Variants in TMEFF2 observed in about 807,000 individuals in gnomAD.
The protein encoded by TMEFF2 is transmembrane protein with EGF like and two follistatin like domains 2.
TMEFF2 carries 28 observed loss-of-function variants against 53.8 expected under a neutral mutation model. The ratio of observed to expected loss-of-function variants is 0.52; its 90% CI spans 0.39 to 0.71. TMEFF2 has a LOEUF of 0.71. TMEFF2 is among the 30% of genes least tolerant of loss of function. The pLI is 0.00. For synonymous variants in TMEFF2, 162 were observed against 166.3 expected (o/e 0.97, Z 0.20); for missense variants, 353 against 455.2 (o/e 0.78, Z 2.04).
At chr2:192,069,955 T>C (rs1197466747) in intron 4 of TMEFF2, among the ~76,000 whole-genome samples, 1 of 103,024 alleles carries the variant, frequency 9.7e-6, no homozygotes, top group East Asian at 3.5e-4. Flanking sequence ...TTTTTCTAGA[T>C]TTAGAAAAAT....
Position 192,194,436 on chromosome 2 carries a change from A to C in TMEFF2, c.89T>G (p.Leu30Arg), listed in dbSNP as rs1045412204. 1 of 1,614,090 alleles carries C rather than the reference A, an allele frequency of 6.2e-7. No individual in the cohort carries two copies. The highest frequency in any genetic ancestry group is 8.5e-7 in the Non-Finnish European group (1 of 1,180,014). The change falls in exon 1 of 10, where the codon CTC (leucine) becomes CGC (arginine). Residue 30 changes from leucine to arginine, a missense_variant. By Grantham distance (102) the Leu-to-Arg change is moderately radical. Transcript: ENST00000272771. This position sits in a 1 kb window ranked among gnomAD's most constrained non-coding sequence, Gnocchi z 4.2. Reference protein sequence around the residue: ...CWLLLLPVMLLIVARPVKLAA... With the variant: ...CWLLLLPVMLRIVARPVKLAA... Reference sequence around the variant, plus strand: ...GAGCTTCACCGGGCGGGCTACGATGAGTAGCATGACGGGCAGCAGCAGCAG... The same window carrying C: ...GAGCTTCACCGGGCGGGCTACGATGCGTAGCATGACGGGCAGCAGCAGCAG...
chr2:192,192,078 G>C, intron 1 of TMEFF2, 89 bp from the exon 2 acceptor site: 2 of 892,146 alleles, frequency 2.2e-6, no homozygotes, highest in Admixed American at 4.6e-5. Flanking sequence ...TAAAATACTT[G>C]TCCTAAATTT....
chr2:191,991,329 T>C (rs1434133414), intron 7 of TMEFF2, among the ~76,000 whole-genome samples: 1 of 152,092 alleles, frequency 6.6e-6, no homozygotes, highest in Admixed American at 6.6e-5. Context: ...TGAACACATA[T>C]CATACAGATA....
At chr2:191,952,122 AG>A (rs951973892) in intron 9 of TMEFF2, among the ~76,000 whole-genome samples, 1 of 152,194 alleles carries the variant, frequency 6.6e-6, no homozygotes, top group African/African-American at 2.4e-5. Flanking sequence ...CTATCTTGAA[AG>A]TGGAGATAAT....
rs35695147 is a variant in TMEFF2, at chr2:192,049,151, C to CTGTGTGTGTG, written c.536+8527_536+8528insCACACACACA. 5.2e-3 allele frequency among the ~76,000 whole-genome samples: 589 copies of CTGTGTGTGTG among 114,108 alleles called. 4 individuals carry two copies. Among genetic ancestry groups the CTGTGTGTGTG allele is most frequent in the East Asian group, 0.025 (103 of 4,196 alleles). The allele number at this position is 114,108 out of a possible 152,430, so 74.9% of individuals were successfully genotyped here. On this transcript the variant is annotated intron_variant, in intron 5 of 9. Transcript: ENST00000272771. ...AATATATAAGATAGATACATTTGGTCTATGTGTGTGTGTGTGTGTGTGCAT... is the reference window on the plus strand; with the variant it reads ...AATATATAAGATAGATACATTTGGTCTGTGTGTGTGTATGTGTGTGTGTGTGTGTGTGCAT...
At chr2:192,031,777 T>C (rs2105873306) in intron 5 of TMEFF2, 1 of 152,308 alleles carries the variant, frequency 6.6e-6, no homozygotes, top group East Asian at 1.9e-4. Flanking sequence ...GCTGCAATTT[T>C]AAATTGTGTT....
At chr2:191,999,841 T>C (rs1686313910) in intron 5 of TMEFF2, among the ~76,000 whole-genome samples, 1 of 151,950 alleles carries the variant, frequency 6.6e-6, no homozygotes, top group Non-Finnish European at 1.5e-5. Context: ...AAACAACCCT[T>C]CTGTATAAAA....
intron 5 of TMEFF2, among the ~76,000 whole-genome samples, chr2:192,033,235 T>C (rs1461032711): frequency 6.6e-6 from 1 of 152,186 alleles, no homozygotes; most frequent in Non-Finnish European, 1.5e-5. Flanking sequence ...AAATAATAAA[T>C]GTTTAAGACA....
chr2:191,998,444 A>C, intron 6 of TMEFF2, 123 bp from the exon 7 acceptor site: 1 of 614,278 alleles, frequency 1.6e-6, no homozygotes, highest in Non-Finnish European at 2.7e-6. Context: ...CTGTAGTTCT[A>C]AGCAACCTGC....
intron 4 of TMEFF2, among the ~76,000 whole-genome samples, chr2:192,123,616 T>C (rs75227267): frequency 0.013 from 2,043 of 152,312 alleles, 47 homozygotes; most frequent in African/African-American, 0.044. Flanking sequence ...GCCTTGGCAC[T>C]GATATTCCAC....
chr2:192,176,113 G>A (rs763760691), intron 4 of TMEFF2, among the ~76,000 whole-genome samples: 105 of 151,238 alleles, frequency 6.9e-4, no homozygotes, highest in Non-Finnish European at 9.8e-4. Flanking sequence ...ACACACACCC[G>A]TTTTCTTATT....
intron 4 of TMEFF2, among the ~76,000 whole-genome samples, chr2:192,059,021 T>C (rs926196208): frequency 7.2e-5 from 11 of 152,138 alleles, no homozygotes; most frequent in Non-Finnish European, 1.2e-4. Context: ...CAAAGATCTT[T>C]AGTTTTCTTT....
At chr2:192,112,270 G>A (rs887309582) in intron 4 of TMEFF2, among the ~76,000 whole-genome samples, 3 of 152,174 alleles carry the variant, frequency 2.0e-5, no homozygotes, top group African/African-American at 4.8e-5. Context: ...AAAGCAACAG[G>A]GGCAGAGCTG....
chr2:192,078,640 CTCTT>C (rs1421107315), intron 4 of TMEFF2, among the ~76,000 whole-genome samples: 1 of 152,166 alleles, frequency 6.6e-6, no homozygotes, highest in African/African-American at 2.4e-5. Context: ...CCCTGATTAG[CTCTT>C]TCTTATTCTT....
intron 5 of TMEFF2, among the ~76,000 whole-genome samples, chr2:192,020,536 G>A (rs1017942323): frequency 2.0e-5 from 3 of 151,980 alleles, no homozygotes; most frequent in Admixed American, 2.0e-4. Context: ...TTGAGAATCA[G>A]GAGTAAGTAT....
chr2:192,188,267 T>C (rs1019516108), intron 2 of TMEFF2, among the ~76,000 whole-genome samples: 4 of 152,236 alleles, frequency 2.6e-5, no homozygotes, highest in African/African-American at 9.6e-5. Flanking sequence ...GGCTAGGTCA[T>C]TAACGGATAT....
intron 7 of TMEFF2, among the ~76,000 whole-genome samples, chr2:191,960,296 C>T (rs1018582313): frequency 4.6e-5 from 7 of 152,202 alleles, no homozygotes; most frequent in African/African-American, 1.7e-4. Context: ...ACCCATTTCT[C>T]TTGTTCTGAT....
At chr2:192,134,301 C>A (rs147128376) in intron 4 of TMEFF2, among the ~76,000 whole-genome samples, 1,656 of 152,286 alleles carry the variant, frequency 0.011, 29 homozygotes, top group African/African-American at 0.038. Flanking sequence ...CACACCTGAT[C>A]CCCATGACTG....
chr2:192,156,045 A>G (rs1371746990), intron 4 of TMEFF2, among the ~76,000 whole-genome samples: 1 of 151,952 alleles, frequency 6.6e-6, no homozygotes, highest in Non-Finnish European at 1.5e-5. Flanking sequence ...AGAGGTTTCA[A>G]CGTCATTGAA....
Sources: gnomAD v4.1 joint callset for allele counts (sites outside exome capture counted in the v4.1 genomes callset) on GRCh38, gnomAD v4.1.1 for gene constraint, Gnocchi (gnomAD v3.1) non-coding constraint, MANE v1.5 for transcripts, NCBI Gene and HGNC (gene_info 2026-07-23, HGNC 2026-07-21) for gene names.